SGSM1: variants seen among roughly 807,000 people sequenced by gnomAD.
SGSM1 encodes the protein small G protein signaling modulator 1, also known as RUN and TBC1 domain containing 2.
A neutral mutation model predicts 133.8 loss-of-function variants in SGSM1; 73 were observed. The ratio of observed to expected loss-of-function variants is 0.55; its 90% CI spans 0.45 to 0.66. The LOEUF (loss-of-function observed/expected upper bound fraction) is 0.66, where lower values mean the gene tolerates loss of function less well. Among genes scored for constraint, SGSM1 ranks in the 30% least tolerant of loss-of-function variants. SGSM1 has a pLI of 0.00. For missense variants in SGSM1, 1,213 were observed against 1,448.1 expected (o/e 0.84, Z 2.64); for synonymous variants, 563 against 573.0 (o/e 0.98, Z 0.25).
chr22:24,849,859 T>C (rs1008499778), intron 4 of SGSM1, among the ~76,000 whole-genome samples: 1 of 152,200 alleles, frequency 6.6e-6, no homozygotes. Context: ...GGCTGGATCA[T>C]GGAGTCATAA....
chr22:24,923,144 GA>G (rs61208397), intron 24 of SGSM1, among the ~76,000 whole-genome samples: 31,809 of 150,428 alleles, frequency 0.21, 4,044 homozygotes, highest in East Asian at 0.56. Context: ...TGTCTCAAAA[GA>G]AAAAAAAAGA....
intron 14 of SGSM1, among the ~76,000 whole-genome samples, chr22:24,879,912 C>G (rs1245437991): frequency 6.6e-6 from 1 of 152,114 alleles, no homozygotes; most frequent in Non-Finnish European, 1.5e-5. Flanking sequence ...TTCCTTCTCT[C>G]GTGGGCAGAA....
intron 17 of SGSM1, among the ~76,000 whole-genome samples, chr22:24,894,661 G>T (rs984498238): frequency 6.6e-6 from 1 of 152,292 alleles, no homozygotes; most frequent in Non-Finnish European, 1.5e-5. Flanking sequence ...TGTGCTCCAC[G>T]TGGCTCACTG....
At chr22:24,835,917 T>C (rs1211240655) in intron 2 of SGSM1, among the ~76,000 whole-genome samples, 1 of 152,216 alleles carries the variant, frequency 6.6e-6, no homozygotes, top group East Asian at 1.9e-4. Flanking sequence ...AAATATTCAT[T>C]TATTTATACT....
intron 13 of SGSM1, 47 bp from the exon 14 acceptor site, chr22:24,879,414 GC>G (rs781206982): frequency 6.3e-7 from 1 of 1,591,390 alleles, no homozygotes; most frequent in South Asian, 1.1e-5. Flanking sequence ...GAAAATCTGG[GC>G]TGTGTTTGGA....
intron 2 of SGSM1, among the ~76,000 whole-genome samples, chr22:24,824,975 T>C (rs1035567026): frequency 5.3e-5 from 8 of 152,076 alleles, no homozygotes; most frequent in Non-Finnish European, 1.0e-4. Context: ...ACTCGAGAAA[T>C]ATTGAGTGCA....
rs539262416 is a variant in SGSM1, at chr22:24,881,559, C to A, written c.1495+2033C>A. On this transcript the variant is annotated intron_variant, in intron 14 of 24. Coordinates refer to ENST00000400358, the MANE Select transcript of SGSM1 (RefSeq NM_001098497.3). ...CCAGCCTGGGTGACAGAGCGAGACT[C>A]CGTCTCAAAAACAAAACAAAACAAA... Among the ~76,000 whole-genome samples the A allele has an allele frequency of 1.5e-4, 23 of 150,176 alleles. No homozygotes were observed. In the South Asian group the frequency reaches 3.9e-3, roughly 26 times the overall value.
chr22:24,913,847 C>G (rs1250827315), intron 22 of SGSM1, among the ~76,000 whole-genome samples: 14 of 151,464 alleles, frequency 9.2e-5, no homozygotes, highest in Non-Finnish European at 1.8e-4. Context: ...TGGTGAAACC[C>G]CATCTCTAAC....
intron 2 of SGSM1, among the ~76,000 whole-genome samples, chr22:24,810,925 C>G (rs1035823823): frequency 3.3e-5 from 5 of 152,162 alleles, no homozygotes; most frequent in Non-Finnish European, 7.4e-5. Flanking sequence ...CATGGGGACC[C>G]TGCAGTTTTA....
chr22:24,885,503 A>G (rs1318394862), intron 15 of SGSM1, among the ~76,000 whole-genome samples: 6 of 149,036 alleles, frequency 4.0e-5, no homozygotes, highest in Non-Finnish European at 7.4e-5. Flanking sequence ...CAGTGGCACA[A>G]TCTCGGCTCA....
At chr22:24,823,549 C>T (rs573362048) in intron 2 of SGSM1, among the ~76,000 whole-genome samples, 5 of 151,994 alleles carry the variant, frequency 3.3e-5, no homozygotes, top group East Asian at 1.9e-4. Flanking sequence ...TGCAGTGAGC[C>T]GAAATTGCGC....
At position 24,912,635 on chromosome 22, in the gene SGSM1, T is replaced by C. The variant is rs184590509; in HGVS notation, c.2819-8T>C. On this transcript the variant is annotated splice_region_variant and splice_polypyrimidine_tract_variant and intron_variant, in intron 21 of 24. Coordinates refer to ENST00000400358, the MANE Select transcript of SGSM1 (RefSeq NM_001098497.3). ...GGGGCATCTGACTGTTCTGTGATGCTTTCTCAGAGGCCCTTGCCTTCAGCT... is the reference window on the plus strand; with the variant it reads ...GGGGCATCTGACTGTTCTGTGATGCCTTCTCAGAGGCCCTTGCCTTCAGCT... 2.7e-5 allele frequency: 44 copies of C among 1,600,968 alleles called. No homozygotes were observed. In the Admixed American group the frequency reaches 5.1e-4, roughly 18 times the overall value.
intron 12 of SGSM1, among the ~76,000 whole-genome samples, chr22:24,869,781 A>G (rs1210847664): frequency 2.6e-5 from 4 of 152,178 alleles, no homozygotes; most frequent in Non-Finnish European, 5.9e-5. Flanking sequence ...GAATTCAAGC[A>G]GGTTGCACGG....
rs941783046 is a variant in SGSM1, at chr22:24,847,892, T to C, written c.302+96T>C. ...GAGAGCCTGCAACCCCTAGCACTCT[T>C]TTCAGTCTCCATCCTGCTTCTCAAA... is the stretch of plus-strand genomic sequence containing the variant. On this transcript the variant is annotated intron_variant, in intron 4 of 24. Coordinates refer to ENST00000400358, the MANE Select transcript of SGSM1 (RefSeq NM_001098497.3). 1.0e-5 allele frequency: 15 copies of C among 1,453,380 alleles called. No individual in the cohort carries two copies. In the African/African-American group the frequency reaches 2.1e-4, roughly 21 times the overall value. The allele number at this position is 1,453,380 out of a possible 1,614,324, so 90.0% of individuals were successfully genotyped here. A position where few individuals can be genotyped will look rare whatever the true frequency, so the allele number is the denominator to read the frequency against.
intron 2 of SGSM1, among the ~76,000 whole-genome samples, chr22:24,807,959 G>A (rs1311315878): frequency 6.6e-6 from 1 of 151,956 alleles, no homozygotes; most frequent in East Asian, 1.9e-4. Context: ...GAGCTCCAGG[G>A]CTGCTTGCAC....
At chr22:24,867,830 C>T (rs1013123492) in intron 10 of SGSM1, among the ~76,000 whole-genome samples, 1 of 152,146 alleles carries the variant, frequency 6.6e-6, no homozygotes, top group African/African-American at 2.4e-5. Context: ...CATTGATCAG[C>T]TGTGTGACCT....
rs16978994 is a variant in SGSM1 at position 24,817,063 on chromosome 22, G to C, written c.63+10579G>C. The stretch of plus-strand genomic sequence containing the variant: ...GAGTAAGGAAACGGACACCAGAGGA[G>C]AGTTACGGTGAAATCACCAGACAGG... On this transcript the variant is annotated intron_variant, in intron 2 of 24. Transcript: ENST00000400358. 9.3e-3 allele frequency among the ~76,000 whole-genome samples: 1,410 copies of C among 152,274 alleles called. 21 individuals are homozygous for C. The highest frequency in any genetic ancestry group is 0.032 in the African/African-American group (1,339 of 41,542).
intron 2 of SGSM1, among the ~76,000 whole-genome samples, chr22:24,816,125 A>C (rs1928059048): frequency 6.6e-6 from 1 of 152,184 alleles, no homozygotes; most frequent in Non-Finnish European, 1.5e-5. Flanking sequence ...ACTACCATTT[A>C]CCAAATATTG....
chr22:24,824,673 T>G (rs1472525371), intron 2 of SGSM1, among the ~76,000 whole-genome samples: 1 of 152,194 alleles, frequency 6.6e-6, no homozygotes, highest in Non-Finnish European at 1.5e-5. Context: ...GGGCGATTTT[T>G]TTCTCTCCTT....
Sources: allele counts gnomAD v4.1 joint callset (sites outside exome capture counted in the v4.1 genomes callset), GRCh38; gene constraint gnomAD v4.1.1; transcripts MANE v1.5; gene names NCBI Gene and HGNC (gene_info 2026-07-23, HGNC 2026-07-21).